RANBP2: variants seen among roughly 807,000 people sequenced by gnomAD.
RANBP2 encodes RAN binding protein 2.
In RANBP2, 57 loss-of-function variants were observed where a neutral mutation model predicts 303.6. The observed-to-expected ratio is 0.19, with a 90% CI of 0.15 to 0.23. The LOEUF (loss-of-function observed/expected upper bound fraction) is 0.23. Ranked by LOEUF, RANBP2 falls within the 10% of genes least tolerant of loss-of-function variation. The probability of loss-of-function intolerance (pLI) is 1.00; values close to 1 mark genes in which losing one functional copy is unlikely to be tolerated. For missense variants in RANBP2, 3,138 were observed against 3,780.8 expected (o/e 0.83, Z 4.46); for synonymous variants, 1,167 against 1,301.5 (o/e 0.90, Z 2.23).
chr2:109,225,337 C>T, the RANBP2 span, among the ~76,000 whole-genome samples: 9,489 of 152,264 alleles, frequency 0.062, 556 homozygotes, highest in East Asian at 0.2. Context: ...CTGCAAGTAA[C>T]CAAGGGAAGT....
the RANBP2 span, among the ~76,000 whole-genome samples, chr2:109,292,316 A>T: frequency 6.6e-6 from 1 of 152,184 alleles, no homozygotes; most frequent in African/African-American, 2.4e-5. Flanking sequence ...TTGTTAGTGT[A>T]TTGGGGTTCC....
At chr2:109,381,312 T>A in the RANBP2 span, among the ~76,000 whole-genome samples, 1 of 152,182 alleles carries the variant, frequency 6.6e-6, no homozygotes, top group Non-Finnish European at 1.5e-5. Flanking sequence ...GCTCCAGCTG[T>A]TTTTCTGCTT....
chr2:108,732,214 A>G (rs865823968), intron 4 of RANBP2, among the ~76,000 whole-genome samples: 1 of 152,144 alleles, frequency 6.6e-6, no homozygotes, highest in African/African-American at 2.4e-5. Flanking sequence ...TTTAATTTTG[A>G]AATAATTATA....
chr2:108,731,514 A>G, intron 4 of RANBP2, 40 bp downstream of exon 4: 1 of 1,609,960 alleles, frequency 6.2e-7, no homozygotes, highest in East Asian at 2.2e-5. Context: ...CTTAAGACAT[A>G]ACCATTTCTA....
At chr2:109,124,196 CAG>C in the RANBP2 span, among the ~76,000 whole-genome samples, 2 of 149,392 alleles carry the variant, frequency 1.3e-5, no homozygotes, top group Non-Finnish European at 3.0e-5. Flanking sequence ...TTTTTTGAGA[CAG>C]AGTCTCGCTC....
the RANBP2 span, among the ~76,000 whole-genome samples, chr2:109,046,912 G>A: frequency 6.6e-6 from 1 of 152,020 alleles, no homozygotes; most frequent in Non-Finnish European, 1.5e-5. Context: ...CCTGCCGGCT[G>A]GGGAGAAGGA....
chr2:108,736,305 G>T (rs2149131647), intron 6 of RANBP2, 56 bp downstream of exon 6: 6 of 1,611,788 alleles, frequency 3.7e-6, no homozygotes, highest in Non-Finnish European at 5.1e-6. Context: ...TCTTTTTGCA[G>T]TAAGTTCATT....
chr2:109,683,116 C>T, the RANBP2 span, among the ~76,000 whole-genome samples: 1 of 152,166 alleles, frequency 6.6e-6, no homozygotes, highest in Non-Finnish European at 1.5e-5. Flanking sequence ...AGAAATTCTC[C>T]TGCCTCACCC....
the RANBP2 span, among the ~76,000 whole-genome samples, chr2:109,422,502 C>T: frequency 6.6e-6 from 1 of 152,142 alleles, no homozygotes; most frequent in Non-Finnish European, 1.5e-5. Context: ...GGCTCAGTTG[C>T]CCGGAAACAC....
chr2:109,050,434 G>T, the RANBP2 span, among the ~76,000 whole-genome samples: 1 of 68,026 alleles, frequency 1.5e-5, no homozygotes, highest in Middle Eastern at 7.4e-3. Context: ...TTTAATTTTT[G>T]TAGAGATGGG....
At chr2:109,472,890 C>A in the RANBP2 span, among the ~76,000 whole-genome samples, 1 of 152,218 alleles carries the variant, frequency 6.6e-6, no homozygotes, top group African/African-American at 2.4e-5. Flanking sequence ...CAGCCCTGCT[C>A]CAGCCTCTTA....
chr2:109,052,995 T>TC, the RANBP2 span, among the ~76,000 whole-genome samples: 1 of 152,188 alleles, frequency 6.6e-6, no homozygotes, highest in Non-Finnish European at 1.5e-5. Context: ...GGGCGTCCCT[T>TC]CCCCTGTTGA....
the RANBP2 span, chr2:108,895,518 A>AGTT: frequency 6.6e-6 from 1 of 152,220 alleles, no homozygotes; most frequent in South Asian, 2.1e-4. Flanking sequence ...AAACCATTGC[A>AGTT]GTTATTGTGA....
the RANBP2 span, among the ~76,000 whole-genome samples, chr2:109,495,277 G>T: frequency 1.1e-4 from 16 of 152,168 alleles, no homozygotes; most frequent in Non-Finnish European, 8.8e-5. Flanking sequence ...TAATGCCCCA[G>T]TTCCCCAGCT....
At chr2:109,481,375 G>T in the RANBP2 span, among the ~76,000 whole-genome samples, 1 of 152,068 alleles carries the variant, frequency 6.6e-6, no homozygotes, top group Admixed American at 6.5e-5. Flanking sequence ...GTTTATTGCG[G>T]CTATGCTTCT....
chr2:108,770,504 C>G (rs981935107), intron 20 of RANBP2, among the ~76,000 whole-genome samples: 4 of 152,072 alleles, frequency 2.6e-5, no homozygotes, highest in African/African-American at 9.7e-5. Context: ...GCCTATAATC[C>G]CAGTTACTTG....
the RANBP2 span, among the ~76,000 whole-genome samples, chr2:109,299,172 G>C: frequency 7.2e-5 from 11 of 152,308 alleles, no homozygotes; most frequent in African/African-American, 2.4e-4. Context: ...CTGCTCACGG[G>C]GCCTCCTCTG....
the RANBP2 span, among the ~76,000 whole-genome samples, chr2:109,151,971 G>A: frequency 2.0e-5 from 3 of 152,236 alleles, no homozygotes; most frequent in Non-Finnish European, 2.9e-5. Flanking sequence ...AAATTGGTCT[G>A]AAACCCAGAT....
At chr2:108,879,686 AC>A in the RANBP2 span, among the ~76,000 whole-genome samples, 1 of 152,148 alleles carries the variant, frequency 6.6e-6, no homozygotes, top group African/African-American at 2.4e-5. Flanking sequence ...TTTAATTGTT[AC>A]CATTTTATAG....
Sources: gnomAD v4.1 joint callset for allele counts (sites outside exome capture counted in the v4.1 genomes callset) on GRCh38, gnomAD v4.1.1 for gene constraint, MANE v1.5 for transcripts, NCBI Gene and HGNC (gene_info 2026-07-23, HGNC 2026-07-21) for gene names.